Variants in LARP4B observed in about 807,000 individuals in gnomAD.
The protein encoded by LARP4B is La ribonucleoprotein 4B, also known as la-related protein 4B.
In LARP4B, 12 loss-of-function variants were observed where a neutral mutation model predicts 89.8. The ratio of observed to expected loss-of-function variants is 0.13; its 90% CI spans 0.09 to 0.22. The LOEUF is 0.22. Among genes scored for constraint, LARP4B ranks in the 10% least tolerant of loss-of-function variants. LARP4B has a pLI of 1.00. For missense variants in LARP4B, 757 were observed against 947.7 expected (o/e 0.80, Z 2.64); for synonymous variants, 367 against 363.3 (o/e 1.01, Z -0.12).
At chr10:956,384 C>T in the LARP4B span, among the ~76,000 whole-genome samples, 4 of 151,550 alleles carry the variant, frequency 2.6e-5, no homozygotes, top group Admixed American at 2.6e-4. The surrounding 1 kb of genome is among the most constrained non-coding windows in gnomAD (Gnocchi z 4.3). Flanking sequence ...CTCACTGTGT[C>T]CCCCAGGCTG....
intron 8 of LARP4B, among the ~76,000 whole-genome samples, chr10:831,508 G>A (rs1347846897): frequency 1.3e-5 from 2 of 152,214 alleles, no homozygotes; most frequent in Non-Finnish European, 2.9e-5. Flanking sequence ...CGCAGAGCCG[G>A]CAGGGTAAGC....
At chr10:934,529 C>T (rs1190013618), upstream of LARP4B, among the ~76,000 whole-genome samples, 9 of 151,952 alleles carry the variant, frequency 5.9e-5, no homozygotes, top group African/African-American at 1.9e-4. Context: ...AAAAGAATTC[C>T]ATCTCTTCTT....
chr10:911,337 CTA>C, intron 1 of LARP4B, among the ~76,000 whole-genome samples: 1 of 151,970 alleles, frequency 6.6e-6, no homozygotes, highest in East Asian at 1.9e-4. Context: ...GATACTTTGG[CTA>C]TTGTTTTTTT....
chr10:927,880 A>G (rs1404967596), intron 1 of LARP4B, among the ~76,000 whole-genome samples: 3 of 152,244 alleles, frequency 2.0e-5, no homozygotes, highest in African/African-American at 4.8e-5. Flanking sequence ...GACAGAATCT[A>G]TAAGAGTACT....
Position 829,326 on chromosome 10 carries a change from C to A in LARP4B, c.1125+59G>T, listed in dbSNP as rs1029974850. 7 of 1,385,782 alleles carry A rather than the reference C, an allele frequency of 5.1e-6. No homozygotes were observed. In the South Asian group the frequency reaches 8.7e-5, roughly 17 times the overall value. 85.8% of individuals were successfully genotyped at this position (1,385,782 alleles called of 1,614,324 possible). ...CTTCCTATTAGATGAGGATTTTAAT[C>A]CTTCAAATTATCTAGCATAGTGTCT... On this transcript the variant is annotated intron_variant, in intron 11 of 17. Transcript: ENST00000316157.
chr10:946,577 T>C, the LARP4B span, among the ~76,000 whole-genome samples: 1 of 152,226 alleles, frequency 6.6e-6, no homozygotes, highest in South Asian at 2.1e-4. Flanking sequence ...AAACTTTGTC[T>C]TGTAATTCAG....
At chr10:885,961 A>C (rs1241406431) in intron 1 of LARP4B, among the ~76,000 whole-genome samples, 1 of 152,152 alleles carries the variant, frequency 6.6e-6, no homozygotes, top group Admixed American at 6.6e-5. Flanking sequence ...TCTTCTTCAC[A>C]CCATTTTGGT....
chr10:870,914 T>C lies in LARP4B; in HGVS notation c.142-6644A>G, dbSNP rs563033287. On this transcript the variant is annotated intron_variant, in intron 3 of 17. Coordinates refer to ENST00000316157, the MANE Select transcript of LARP4B (RefSeq NM_015155.3). ...ATGTGGTAACACACTAAGAACATTA[T>C]ATTTGCAGTCGTATACTCGGTGTGT... Among the ~76,000 whole-genome samples the C allele has an allele frequency of 5.9e-5, 9 of 152,348 alleles. No individual in the cohort carries two copies. The South Asian group carries it at 1.4e-3, about 25-fold the overall frequency.
intron 11 of LARP4B, among the ~76,000 whole-genome samples, chr10:826,742 C>G (rs1466679393): frequency 6.6e-6 from 1 of 152,156 alleles, no homozygotes; most frequent in Non-Finnish European, 1.5e-5. Context: ...GCCTTCCAGT[C>G]CACACCCTCA....
At chr10:891,626 C>T (rs930193727) in intron 1 of LARP4B, among the ~76,000 whole-genome samples, 2 of 152,104 alleles carry the variant, frequency 1.3e-5, no homozygotes, top group Non-Finnish European at 2.9e-5. Flanking sequence ...TTCTGTCTAC[C>T]TTTGTACATT....
chr10:812,855 C>T lies in LARP4B; in HGVS notation c.*71G>A. 1.1e-5 allele frequency: 15 copies of T among 1,414,726 alleles called. No homozygotes were observed. The highest frequency in any genetic ancestry group is 1.4e-5 in the Non-Finnish European group (15 of 1,074,106). 87.6% of individuals were successfully genotyped at this position (1,414,726 alleles called of 1,614,324 possible). ...AAGCTCCTAACCAGCGGCTCGCCCTCGCACTGAGTGGGAGAGTGTCTCGTT... is the reference window on the plus strand; with the variant it reads ...AAGCTCCTAACCAGCGGCTCGCCCTTGCACTGAGTGGGAGAGTGTCTCGTT... On this transcript the variant is annotated 3_prime_UTR_variant, in exon 18 of 18. Coordinates refer to ENST00000316157, the MANE Select transcript of LARP4B (RefSeq NM_015155.3).
upstream of LARP4B, among the ~76,000 whole-genome samples, chr10:935,722 C>CTTTTTTTTTTTTTTTTT (rs10711022): frequency 5.4e-4 from 45 of 83,896 alleles, no homozygotes; most frequent in African/African-American, 6.2e-4. Context: ...CTTTTCTTTT[C>CTTTTTTTTTTTTTTTTT]TTTTTTTTTT....
chr10:923,740 T>G (rs940015017), intron 1 of LARP4B, among the ~76,000 whole-genome samples: 1 of 152,182 alleles, frequency 6.6e-6, no homozygotes, highest in African/African-American at 2.4e-5. Flanking sequence ...CTGAAGCAAT[T>G]TGTACATCTA....
chr10:895,416 A>C (rs1451288310), intron 1 of LARP4B, among the ~76,000 whole-genome samples: 1 of 151,984 alleles, frequency 6.6e-6, no homozygotes, highest in South Asian at 2.1e-4. Context: ...ATGGAAATAA[A>C]AACGCAGAAA....
intron 7 of LARP4B, among the ~76,000 whole-genome samples, chr10:838,106 A>C (rs946406460): frequency 6.6e-6 from 1 of 152,246 alleles, no homozygotes; most frequent in Non-Finnish European, 1.5e-5. Flanking sequence ...AAATTAATCT[A>C]GGTGCAGACC....
intron 1 of LARP4B, among the ~76,000 whole-genome samples, chr10:891,527 G>A (rs1337639231): frequency 6.6e-6 from 1 of 152,184 alleles, no homozygotes; most frequent in Non-Finnish European, 1.5e-5. Flanking sequence ...AATACAATGT[G>A]TGAAATCTTC....
At chr10:970,496 TGA>T in the LARP4B span, among the ~76,000 whole-genome samples, 6,998 of 152,282 alleles carry the variant, frequency 0.046, 527 homozygotes, top group African/African-American at 0.16. Context: ...GGGACTGGAC[TGA>T]GTCTCTAAGA....
In LARP4B at chr10:822,721, C is replaced by T. The variant is rs147671079; in HGVS notation, c.1485-1876G>A. ...ATAGAGGAAACATCACTGTGACACC[C>T]GCGACTCTGAATGCAGTGGTGTGAA... On this transcript the variant is annotated intron_variant, in intron 13 of 17. Transcript: ENST00000316157. This position sits in a 1 kb window ranked among gnomAD's most constrained non-coding sequence, Gnocchi z 4.6. Among the ~76,000 whole-genome samples, 144 of 152,296 alleles carry T rather than the reference C, an allele frequency of 9.5e-4. No individual in the cohort carries two copies. The highest frequency in any genetic ancestry group is 3.3e-3 in the African/African-American group (136 of 41,564).
chr10:987,329 G>A, the LARP4B span: 1 of 152,240 alleles, frequency 6.6e-6, no homozygotes, highest in African/African-American at 2.4e-5. Flanking sequence ...TTGGAATGCT[G>A]GGAATTTATG....
Sources: allele counts gnomAD v4.1 joint callset (sites outside exome capture counted in the v4.1 genomes callset), GRCh38; gene constraint gnomAD v4.1.1; non-coding constraint Gnocchi (gnomAD v3.1); transcripts MANE v1.5; gene names NCBI Gene and HGNC (gene_info 2026-07-23, HGNC 2026-07-21).